Variants in NCKIPSD observed in about 807,000 individuals in gnomAD.
The protein encoded by NCKIPSD is NCK interacting protein with SH3 domain, also known as NCK-interacting protein with SH3 domain.
NCKIPSD carries 48 observed loss-of-function variants against 73.4 expected under a neutral mutation model. The observed-to-expected ratio is 0.65, with a 90% CI of 0.52 to 0.83. NCKIPSD has a LOEUF of 0.83. Ranked by LOEUF, NCKIPSD falls within the 40% of genes least tolerant of loss-of-function variation. NCKIPSD has a pLI of 0.00. For synonymous variants in NCKIPSD, 422 were observed against 403.6 expected (o/e 1.05, Z -0.54); for missense variants, 884 against 970.2 (o/e 0.91, Z 1.18).
Position 48,679,396 on chromosome 3 carries a change from T to G in NCKIPSD, c.1551A>C (p.Ala517=). 4 of 1,614,180 alleles carry G rather than the reference T, an allele frequency of 2.5e-6. No individual in the cohort carries two copies. The highest frequency in any genetic ancestry group is 3.4e-6 in the Non-Finnish European group (4 of 1,180,016). ...TCTTACCATAGTGTGCATAGGGCAC[T>G]GCCTCTCCCATGGAGAAGACCATGG... ...ILAMVFSMGE[A]VPYAHYEHLG... The change falls in exon 9 of 13, where the codon GCA becomes GCC. Residue 517 remains alanine (A), a synonymous_variant. Transcript: ENST00000294129.
In NCKIPSD at chr3:48,685,838, G is replaced by A. The variant is rs759917046; in HGVS notation, c.-31C>T. On this transcript the variant is annotated 5_prime_UTR_variant, in exon 1 of 13. Coordinates refer to ENST00000294129, the MANE Select transcript of NCKIPSD (RefSeq NM_016453.4). ...CGGGCAGGGCAGGTGCAGGGAAGGT[G>A]GCAAGGGCTGCGGCGCCACAACGCC... is the stretch of plus-strand genomic sequence containing the variant. 3.6e-6 allele frequency: 5 copies of A among 1,391,532 alleles called. No individual in the cohort carries two copies. The highest frequency in any genetic ancestry group is 3.0e-5 in the East Asian group (1 of 33,748). 86.2% of individuals were successfully genotyped at this position (1,391,532 alleles called of 1,614,324 possible).
At chr3:48,675,025 T>C (rs2077230609) in intron 12 of NCKIPSD, among the ~76,000 whole-genome samples, 1 of 152,158 alleles carries the variant, frequency 6.6e-6, no homozygotes, top group Non-Finnish European at 1.5e-5. Flanking sequence ...AAGGTGCCTC[T>C]GTCTATCAGT....
rs557777424 is a variant in NCKIPSD at position 48,685,878 on chromosome 3, G to C, written c.-71C>G. 3.3e-5 allele frequency: 43 copies of C among 1,310,248 alleles called. No individual in the cohort carries two copies. The East Asian group carries it at 7.2e-4, about 22-fold the overall frequency. 81.2% of individuals were successfully genotyped at this position (1,310,248 alleles called of 1,614,324 possible). ...GCCACAACGCCAGGCCGGGAGCGCC[G>C]AGCCGCGCCGCGGTTGTCCCGCCCC... On this transcript the variant is annotated 5_prime_UTR_variant, in exon 1 of 13. Transcript: ENST00000294129.
At position 48,679,459 on chromosome 3, in the gene NCKIPSD, T is replaced by TG. The variant is rs546326030; in HGVS notation, c.1490-3dup. On this transcript the variant is annotated splice_region_variant and splice_polypyrimidine_tract_variant and intron_variant, in intron 8 of 12. Coordinates refer to ENST00000294129, the MANE Select transcript of NCKIPSD (RefSeq NM_016453.4). ...CAGAGTAACAGAGTTTCTGGTGGTC[T>TG]GGGGGGGACAAGGCAGGCAGTCAGA... The TG allele has an allele frequency of 5.0e-6, 8 of 1,611,004 alleles. No individual in the cohort carries two copies. The highest frequency in any genetic ancestry group is 4.5e-5 in the East Asian group (2 of 44,838).
chr3:48,681,258 G>A, intron 5 of NCKIPSD, 29 bp downstream of exon 5: 1 of 1,546,952 alleles, frequency 6.5e-7, no homozygotes, highest in African/African-American at 1.4e-5. Flanking sequence ...TGGGTAGCAG[G>A]GTGGCCCTGC....
In NCKIPSD at chr3:48,674,598, C is replaced by T; in HGVS notation, c.2115G>A (p.Met705Ile). 5.6e-6 allele frequency: 9 copies of T among 1,610,118 alleles called. No individual in the cohort carries two copies. The highest frequency in any genetic ancestry group is 7.6e-6 in the Non-Finnish European group (9 of 1,178,166). The change falls in exon 13 of 13, where the codon ATG (methionine) becomes ATA (isoleucine). Residue 705 changes from methionine (M) to isoleucine (I), a missense_variant. Physicochemically the swap from Met to Ile is conservative, Grantham distance 10 (BLOSUM62 1). Transcript: ENST00000294129. ...ETSPQCQMDR[M>I]IVREMCKEFL... ...ATTCCTTGCACATCTCTCGGACAAT[C>T]ATGCGGTCCATCTGGCACTGGGGTG... is the stretch of plus-strand genomic sequence containing the variant.
rs368659411 is a variant in NCKIPSD at position 48,678,582 on chromosome 3, G to A, written c.1947C>T (p.Asp649=). The A allele has an allele frequency of 6.2e-7, 1 of 1,613,116 alleles. No homozygotes were observed. The highest frequency in any genetic ancestry group is 8.5e-7 in the Non-Finnish European group (1 of 1,179,546). ...LIDITVRHIA[D]LSPGDKLRME... is the part of the protein sequence containing the mutation. Reference sequence around the variant, plus strand: ...CAGGCACCTTGTCTCCTGGTGACAGGTCTGCGATGTGCCGCACAGTGATGT... The same window carrying A: ...CAGGCACCTTGTCTCCTGGTGACAGATCTGCGATGTGCCGCACAGTGATGT... The change falls in exon 12 of 13, where the codon GAC becomes GAT. Residue 649 remains aspartate (D), a synonymous_variant. Coordinates refer to ENST00000294129, the MANE Select transcript of NCKIPSD (RefSeq NM_016453.4).
intron 9 of NCKIPSD, 44 bp from the exon 10 acceptor site, chr3:48,679,227 G>T: frequency 6.2e-7 from 1 of 1,610,348 alleles, no homozygotes; most frequent in South Asian, 1.1e-5. Flanking sequence ...ATTCCCCTCC[G>T]ACCCCCGCAC....
Position 48,678,642 on chromosome 3 carries a change from G to T in NCKIPSD, c.1887C>A (p.Ala629=). The T allele has an allele frequency of 6.2e-7, 1 of 1,614,220 alleles. No individual in the cohort carries two copies. Among genetic ancestry groups the T allele is most frequent in the South Asian group, 1.1e-5 (1 of 91,084 alleles). ...CCATCATGTCTGTGTGGTAGAAGAT[G>T]GCAGCTGTGGCCGGGCTGCCAAACA... ...QDVFGSPATA[A]IFYHTDMMAL... The change falls in exon 12 of 13, where the codon GCC becomes GCA. Residue 629 remains alanine, a synonymous_variant. Transcript: ENST00000294129.
intron 12 of NCKIPSD, among the ~76,000 whole-genome samples, chr3:48,678,274 C>T (rs1006282892): frequency 1.3e-5 from 2 of 152,176 alleles, no homozygotes; most frequent in African/African-American, 4.8e-5. Context: ...TCACATTCCC[C>T]GGTCCTGAGA....
chr3:48,675,564 C>T (rs1364100848), intron 12 of NCKIPSD, among the ~76,000 whole-genome samples: 4 of 135,438 alleles, frequency 3.0e-5, no homozygotes, highest in East Asian at 2.1e-4. Context: ...TTTTTTGAGA[C>T]AGGGTCTCGT....
intron 12 of NCKIPSD, among the ~76,000 whole-genome samples, chr3:48,677,116 C>T (rs904853890): frequency 3.3e-5 from 5 of 149,852 alleles, no homozygotes; most frequent in African/African-American, 1.2e-4. Flanking sequence ...TGGCCAGGCA[C>T]GGTGGCTCAC....
Position 48,681,505 on chromosome 3 carries a change from T to C in NCKIPSD, c.874A>G (p.Thr292Ala). The change falls in exon 5 of 13, where the codon ACA becomes GCA. Residue 292 changes from threonine (T) to alanine (A), a missense_variant. By Grantham distance (58) the Thr-to-Ala change is moderately conservative (BLOSUM62 0). Transcript: ENST00000294129. ...SASDDLEALG[T>A]LSLGTTEEKA... ...TCCTCTGTGGTCCCCAGGCTCAGTG[T>C]ACCCAGGGCTTCCAGGTCATCAGAG... 6.2e-7 allele frequency: 1 copy of C among 1,614,178 alleles called. No homozygotes were observed. Among genetic ancestry groups the C allele is most frequent in the Non-Finnish European group, 8.5e-7 (1 of 1,180,032 alleles).
At chr3:48,678,434 C>G (rs2077288414) in intron 12 of NCKIPSD, 130 bp downstream of exon 12, 1 of 1,222,298 alleles carries the variant, frequency 8.2e-7, no homozygotes, top group African/African-American at 1.5e-5. Flanking sequence ...GTGCACCTAT[C>G]ATGGCCTCCT....
At chr3:48,675,536 T>TATATC (rs1553629715) in intron 12 of NCKIPSD, among the ~76,000 whole-genome samples, 38 of 142,496 alleles carry the variant, frequency 2.7e-4, no homozygotes, top group African/African-American at 8.3e-4. Context: ...ATGATATATA[T>TATATC]ATATATATAT....
Position 48,679,897 on chromosome 3 carries a change from T to G in NCKIPSD, c.1264-10A>C, listed in dbSNP as rs1227401005. 6.2e-7 allele frequency: 1 copy of G among 1,614,048 alleles called. No homozygotes were observed. The highest frequency in any genetic ancestry group is 8.5e-7 in the Non-Finnish European group (1 of 1,179,988). On this transcript the variant is annotated splice_polypyrimidine_tract_variant and intron_variant, in intron 6 of 12. Transcript: ENST00000294129. ...CAGGGTCTGCATCAGTCTACAGAAA[T>G]GAGGAAGTGAGAGCATCAGCCACCA...
chr3:48,680,160 C>G lies in NCKIPSD; in HGVS notation c.1162G>C (p.Asp388His). 6.2e-7 allele frequency: 1 copy of G among 1,613,962 alleles called. No homozygotes were observed. Among genetic ancestry groups the G allele is most frequent in the Non-Finnish European group, 8.5e-7 (1 of 1,180,014 alleles). ...DQQRLEVIFA[D>H]LARRKDDAQQ... is the part of the protein sequence containing the mutation. ...GCGTCGTCCTTCCGGCGAGCCAGGTCTGCAAAGATCACCTCCAGCCTCTGC... is the reference window on the plus strand; with the variant it reads ...GCGTCGTCCTTCCGGCGAGCCAGGTGTGCAAAGATCACCTCCAGCCTCTGC... Residue 388 changes from aspartate (D) to histidine (H), a missense_variant, in exon 6 of 13, where the codon GAC (aspartate) becomes CAC (histidine). Coordinates refer to ENST00000294129, the MANE Select transcript of NCKIPSD (RefSeq NM_016453.4).
At chr3:48,682,202 G>A in intron 3 of NCKIPSD, 46 bp from the exon 4 acceptor site, 1 of 1,576,474 alleles carries the variant, frequency 6.3e-7, no homozygotes, top group Non-Finnish European at 8.6e-7. Context: ...GACATCTAGA[G>A]CGTCAGCGAG....
At position 48,679,472 on chromosome 3, in the gene NCKIPSD, G is replaced by A. The variant is rs760258416; in HGVS notation, c.1490-15C>T. 6.8e-6 allele frequency: 11 copies of A among 1,609,032 alleles called. No individual in the cohort carries two copies. The East Asian group carries it at 2.2e-4, about 33-fold the overall frequency. On this transcript the variant is annotated splice_polypyrimidine_tract_variant and intron_variant, in intron 8 of 12. Coordinates refer to ENST00000294129, the MANE Select transcript of NCKIPSD (RefSeq NM_016453.4). ...TTTCTGGTGGTCTGGGGGGGACAAG[G>A]CAGGCAGTCAGAGTCCCCAAAGATG...
Sources: gnomAD v4.1 joint callset for allele counts (sites outside exome capture counted in the v4.1 genomes callset) on GRCh38, gnomAD v4.1.1 for gene constraint, MANE v1.5 for transcripts, NCBI Gene and HGNC (gene_info 2026-07-23, HGNC 2026-07-21) for gene names.